The following TTC19 variants were observed in gnomAD, a reference collection of about 807,000 sequenced individuals.
TTC19 encodes tetratricopeptide repeat domain 19, also known as tetratricopeptide repeat protein 19, mitochondrial.
In TTC19, 38 loss-of-function variants were observed where a neutral mutation model predicts 49.5. The observed-to-expected ratio is 0.77, with a 90% confidence interval of 0.59 to 1.01. The LOEUF is 1.01. Among genes scored for constraint, TTC19 ranks in the 50% least tolerant of loss-of-function variants. TTC19 has a pLI of 0.00. For synonymous variants in TTC19, 204 were observed against 185.2 expected (o/e 1.10, Z -0.83); for missense variants, 475 against 477.7 (o/e 0.99, Z 0.05).
intron 7 of TTC19, among the ~76,000 whole-genome samples, chr17:16,014,323 A>G (rs923646310): frequency 6.6e-6 from 1 of 152,224 alleles, no homozygotes; most frequent in African/African-American, 2.4e-5. Flanking sequence ...TTTCCTGAGG[A>G]TGTGAGTCAT....
intron 7 of TTC19, among the ~76,000 whole-genome samples, chr17:16,016,051 C>T (rs1396566964): frequency 6.6e-6 from 1 of 151,738 alleles, no homozygotes; most frequent in Non-Finnish European, 1.5e-5. Context: ...TCTTTATTAC[C>T]TCTCTCCTGT....
At chr17:16,019,965 T>TAAA (rs765337283) in intron 7 of TTC19, among the ~76,000 whole-genome samples, 14 of 112,362 alleles carry the variant, frequency 1.2e-4, no homozygotes, top group African/African-American at 4.1e-4. Context: ...CATCTCTACT[T>TAAA]AAAAAAAAAA....
intron 7 of TTC19, among the ~76,000 whole-genome samples, chr17:16,019,518 T>G (rs1971309149): frequency 6.6e-6 from 1 of 152,220 alleles, no homozygotes; most frequent in South Asian, 2.1e-4. Flanking sequence ...CCAAACTGCA[T>G]GTCTGCTGGG....
exon 3 of TTC19, chr17:16,045,011 A>AG: frequency 2.1e-6 from 1 of 465,644 alleles, no homozygotes; most frequent in Non-Finnish European, 3.9e-6. Flanking sequence ...AAAAAAAAAA[A>AG]AGAATAAACC....
intron 7 of TTC19, 107 bp from the exon 8 acceptor site, chr17:16,024,910 A>G: frequency 2.0e-6 from 2 of 1,001,380 alleles, no homozygotes; most frequent in South Asian, 1.3e-5. Flanking sequence ...ATGTTAATTC[A>G]CCTACATTGT....
At chr17:16,024,345 G>C (rs1162774306) in intron 7 of TTC19, 1 of 151,994 alleles carries the variant, frequency 6.6e-6, no homozygotes, top group Admixed American at 6.6e-5. Context: ...GCCCAGGCTG[G>C]AGTGCAGTGG....
chr17:16,044,026 G>A (rs772874280), intron 2 of TTC19, among the ~76,000 whole-genome samples: 1 of 151,894 alleles, frequency 6.6e-6, no homozygotes, highest in Non-Finnish European at 1.5e-5. Context: ...AAAATTAGCC[G>A]GATATGGTGG....
At chr17:16,037,881 C>T (rs1028420607) in intron 2 of TTC19, among the ~76,000 whole-genome samples, 7 of 152,144 alleles carry the variant, frequency 4.6e-5, no homozygotes, top group Non-Finnish European at 7.3e-5. Flanking sequence ...GATCAGAGCC[C>T]AGGTCATCAG....
Position 16,028,840 on chromosome 17 carries a change from A to AAAC in TTC19, c.*1320_*1321insCAA. 2.6e-6 allele frequency: 1 copy of AAAC among 378,656 alleles called. No individual in the cohort carries two copies. The highest frequency in any genetic ancestry group is 5.1e-6 in the Non-Finnish European group (1 of 197,850). 23.5% of individuals were successfully genotyped at this position (378,656 alleles called of 1,614,324 possible). ...TCTCAAAAAAAAAAAAAAAAAAAAAAAAAAAACTTTCTGAAGAAAATAAAA... is the reference window on the plus strand; with the variant it reads ...TCTCAAAAAAAAAAAAAAAAAAAAAAAACAAAAAACTTTCTGAAGAAAATAAAA... On this transcript the variant is annotated 3_prime_UTR_variant, in exon 10 of 10. Transcript: ENST00000261647.
chr17:16,031,802 A>G (rs537450963), downstream of TTC19: 265 of 231,508 alleles, frequency 1.1e-3, 2 homozygotes, highest in Non-Finnish European at 1.9e-3. Flanking sequence ...GTGACAGCCA[A>G]CATTATGTAA....
chr17:16,004,080 C>T, intron 5 of TTC19, 121 bp from the exon 6 acceptor site: 2 of 1,159,172 alleles, frequency 1.7e-6, no homozygotes, highest in Non-Finnish European at 2.6e-6. Context: ...ACAGTTGGCT[C>T]ATCACTCTAA....
intron 2 of TTC19, among the ~76,000 whole-genome samples, chr17:16,041,863 A>C (rs1042782569): frequency 1.3e-5 from 2 of 151,670 alleles, no homozygotes; most frequent in African/African-American, 4.8e-5. Flanking sequence ...CAGCCCCCCG[A>C]GTGGCTGGGA....
intron 2 of TTC19, chr17:16,035,010 G>T: frequency 6.9e-7 from 1 of 1,448,772 alleles, no homozygotes; most frequent in South Asian, 1.2e-5. Flanking sequence ...AAATGCTAAT[G>T]ATTATATATT....
intron 8 of TTC19, 100 bp downstream of exon 8, chr17:16,025,271 C>A: frequency 8.4e-7 from 1 of 1,193,782 alleles, no homozygotes; most frequent in Non-Finnish European, 1.2e-6. Context: ...AGCAGATGGT[C>A]CTAGATCCTC....
Position 16,028,018 on chromosome 17 carries a change from G to A in TTC19, c.*496G>A, listed in dbSNP as rs1222887043. The A allele has an allele frequency of 6.6e-6, 3 of 454,004 alleles. No homozygotes were observed. The highest frequency in any genetic ancestry group is 4.7e-5 in the Admixed American group (2 of 42,552). 28.1% of individuals were successfully genotyped at this position (454,004 alleles called of 1,614,324 possible). ...TTATAGTCTGTTTCATGAAGCACAA[G>A]TGGAATTTAATACATAAAAGAGAAA... On this transcript the variant is annotated 3_prime_UTR_variant, in exon 10 of 10. Transcript: ENST00000261647.
At chr17:16,007,365 A>G (rs1362747955) in intron 7 of TTC19, among the ~76,000 whole-genome samples, 2 of 151,206 alleles carry the variant, frequency 1.3e-5, no homozygotes, top group Admixed American at 6.6e-5. Flanking sequence ...TAGAACAATT[A>G]TAACTATATA....
At chr17:16,032,535 A>C, downstream of TTC19, 33 of 1,495,920 alleles carry the variant, frequency 2.2e-5, no homozygotes, top group Middle Eastern at 1.8e-4. Context: ...CTGGTATTTC[A>C]TCCAATCCAA....
intron 2 of TTC19, among the ~76,000 whole-genome samples, chr17:16,044,168 CAA>C (rs34691717): frequency 3.9e-4 from 32 of 82,786 alleles, no homozygotes; most frequent in African/African-American, 1.3e-3. Context: ...GACTCCATCT[CAA>C]AAAAAAAAAA....
intron 7 of TTC19, among the ~76,000 whole-genome samples, chr17:16,009,388 A>G (rs1971002572): frequency 6.6e-6 from 1 of 152,208 alleles, no homozygotes; most frequent in African/African-American, 2.4e-5. Context: ...CTACTGTTTT[A>G]TTTATTACTA....
Sources: allele counts gnomAD v4.1 joint callset (sites outside exome capture counted in the v4.1 genomes callset), GRCh38; gene constraint gnomAD v4.1.1; transcripts MANE v1.5; gene names NCBI Gene and HGNC (gene_info 2026-07-23, HGNC 2026-07-21).